HIVEP3: variants seen among roughly 807,000 people sequenced by gnomAD.
The protein encoded by HIVEP3 is transcription factor HIVEP3.
HIVEP3 carries 49 observed loss-of-function variants against 152.8 expected under a neutral mutation model. That is an observed-to-expected ratio of 0.32 (90% CI 0.26 to 0.41). The LOEUF (loss-of-function observed/expected upper bound fraction) is 0.41. Ranked by LOEUF, HIVEP3 falls within the 10% of genes least tolerant of loss-of-function variation. The pLI, the probability that HIVEP3 is intolerant of heterozygous loss-of-function variation, is 1.00. For missense variants in HIVEP3, 2,790 were observed against 3,103.3 expected (o/e 0.90, Z 2.40); for synonymous variants, 1,269 against 1,289.0 (o/e 0.98, Z 0.33).
At chr1:41,843,335 AT>A in intron 1 of HIVEP3, among the ~76,000 whole-genome samples, 1 of 152,330 alleles carries the variant, frequency 6.6e-6, no homozygotes, top group East Asian at 1.9e-4. Context: ...TAACAGAGGG[AT>A]TTTTGTGCAT....
chr1:41,540,163 C>G (rs1048916687), intron 5 of HIVEP3, among the ~76,000 whole-genome samples: 17 of 152,248 alleles, frequency 1.1e-4, no homozygotes, highest in African/African-American at 4.1e-4. Context: ...CTGACCAAGG[C>G]TCTCTCTAGT....
intron 7 of HIVEP3, among the ~76,000 whole-genome samples, chr1:41,514,303 G>A (rs1440288312): frequency 6.6e-6 from 1 of 152,144 alleles, no homozygotes; most frequent in African/African-American, 2.4e-5. Context: ...CTAAAATGAA[G>A]GCCTGGCACA....
rs190541132 is a variant in HIVEP3, at chr1:41,521,293, C to G, written c.5384-2805G>C. On this transcript the variant is annotated intron_variant, in intron 6 of 8. Coordinates refer to ENST00000372583, the MANE Select transcript of HIVEP3 (RefSeq NM_024503.5). The stretch of plus-strand genomic sequence containing the variant: ...CCCAGGGGCTCTGCCACGCACCATG[C>G]TGGGTGTGGAGGAAGAGATGCTAAG... Among the ~76,000 whole-genome samples, 685 of 152,292 alleles carry G rather than the reference C, an allele frequency of 4.5e-3. 2 individuals are homozygous for G. The highest frequency in any genetic ancestry group is 0.018 in the South Asian group (87 of 4,826).
At chr1:41,726,032 G>A (rs1646747301) in intron 1 of HIVEP3, among the ~76,000 whole-genome samples, 1 of 152,218 alleles carries the variant, frequency 6.6e-6, no homozygotes, top group South Asian at 2.1e-4. Flanking sequence ...TTGGCAAGGT[G>A]AGGCATGCTA....
rs74069947 is a variant in HIVEP3 at position 41,609,639 on chromosome 1, T to C, written c.-522+19110A>G. 5.1e-3 allele frequency among the ~76,000 whole-genome samples: 780 copies of C among 152,356 alleles called. 12 individuals are homozygous for C. The highest frequency in any genetic ancestry group is 0.017 in the African/African-American group (726 of 41,592). On this transcript the variant is annotated intron_variant, in intron 3 of 8. Coordinates refer to ENST00000372583, the MANE Select transcript of HIVEP3 (RefSeq NM_024503.5). Reference sequence around the variant, plus strand: ...TTTTAAGACCCTTCAGCCTCCCCACTAGTTTAGGCCCCACGGCATGGCTCT... The same window carrying C: ...TTTTAAGACCCTTCAGCCTCCCCACCAGTTTAGGCCCCACGGCATGGCTCT...
chr1:41,860,368 G>A (rs138115435), intron 1 of HIVEP3, among the ~76,000 whole-genome samples: 3 of 152,284 alleles, frequency 2.0e-5, no homozygotes, highest in Non-Finnish European at 4.4e-5. Flanking sequence ...CTCCTAAGGT[G>A]GGGCCAGTGG....
chr1:41,527,196 A>G (rs548285403), intron 5 of HIVEP3, among the ~76,000 whole-genome samples: 99 of 71,346 alleles, frequency 1.4e-3, no homozygotes, highest in African/African-American at 5.5e-3. Flanking sequence ...CTTCACTCCC[A>G]CTCCCACACA....
chr1:41,602,997 T>C (rs367691166), intron 3 of HIVEP3, among the ~76,000 whole-genome samples: 30 of 152,240 alleles, frequency 2.0e-4, no homozygotes, highest in African/African-American at 7.0e-4. Context: ...GTGTGTCATT[T>C]AATTTCCACA....
chr1:42,025,405 A>G (rs1409595299), intron 1 of HIVEP3, among the ~76,000 whole-genome samples: 1 of 152,192 alleles, frequency 6.6e-6, no homozygotes, highest in Non-Finnish European at 1.5e-5. Context: ...TACCCATTCC[A>G]TGAAGGTATT....
intron 1 of HIVEP3, among the ~76,000 whole-genome samples, chr1:41,894,636 T>C (rs79781468): frequency 1.3e-5 from 2 of 152,140 alleles, no homozygotes; most frequent in Non-Finnish European, 2.9e-5. Context: ...ATCCAGAAAT[T>C]CAAAATGAGC....
chr1:41,643,651 C>A (rs1645411794), intron 2 of HIVEP3, among the ~76,000 whole-genome samples: 1 of 152,190 alleles, frequency 6.6e-6, no homozygotes, highest in Admixed American at 6.5e-5. Context: ...GTCTGTGCTG[C>A]AGCTCCCAGA....
At chr1:42,005,370 TAC>T (rs1005281224) in intron 1 of HIVEP3, among the ~76,000 whole-genome samples, 7 of 152,114 alleles carry the variant, frequency 4.6e-5, no homozygotes, top group African/African-American at 1.7e-4. Context: ...CATGCACATA[TAC>T]ATATATATGA....
In HIVEP3 at chr1:42,015,134, C is replaced by A. The variant is rs185680966; in HGVS notation, n.119+20673G>T. On this transcript the variant is annotated intron_variant and non_coding_transcript_variant, in intron 1 of 3. Coordinates refer to the HIVEP3 transcript ENST00000489103. ...CTCATGGCCAACATCAAAATCCAACCAGCACCACCACCAAAGCAAAGAAAT... is the reference window on the plus strand; with the variant it reads ...CTCATGGCCAACATCAAAATCCAACAAGCACCACCACCAAAGCAAAGAAAT... 4.0e-3 allele frequency among the ~76,000 whole-genome samples: 615 copies of A among 152,304 alleles called. 1 individual carries two copies. The highest frequency in any genetic ancestry group is 6.9e-3 in the Non-Finnish European group (469 of 68,030).
chr1:42,007,808 A>G (rs566967827), intron 1 of HIVEP3, among the ~76,000 whole-genome samples: 6 of 110,022 alleles, frequency 5.5e-5, no homozygotes, highest in Non-Finnish European at 1.2e-4. Context: ...CAAAAGTAAT[A>G]CATTCATTTG....
chr1:41,966,986 T>C (rs1645202524), intron 1 of HIVEP3, among the ~76,000 whole-genome samples: 1 of 152,064 alleles, frequency 6.6e-6, no homozygotes, highest in African/African-American at 2.4e-5. Flanking sequence ...GGTTCAATTC[T>C]ATAAAAAGAG....
intron 1 of HIVEP3, among the ~76,000 whole-genome samples, chr1:41,718,395 T>C (rs894873146): frequency 6.6e-6 from 1 of 152,348 alleles, no homozygotes; most frequent in Non-Finnish European, 1.5e-5. Flanking sequence ...TAAGATGGCA[T>C]CTACCTCAAA....
At chr1:41,682,931 T>C (rs1570305713) in intron 2 of HIVEP3, among the ~76,000 whole-genome samples, 1 of 152,010 alleles carries the variant, frequency 6.6e-6, no homozygotes, top group Non-Finnish European at 1.5e-5. Context: ...TGCACAAAAG[T>C]GCCACCACGG....
intron 5 of HIVEP3, among the ~76,000 whole-genome samples, chr1:41,536,781 T>C (rs1450565245): frequency 6.6e-6 from 1 of 152,166 alleles, no homozygotes; most frequent in Non-Finnish European, 1.5e-5. Context: ...ATGCATTACC[T>C]CATTAAATCA....
chr1:41,635,533 CACGTATATGT>C (rs370504494), intron 2 of HIVEP3, among the ~76,000 whole-genome samples: 86,697 of 144,364 alleles, frequency 0.6, 35,372 homozygotes, highest in African/African-American at 0.8. Context: ...TACATATATG[CACGTATATGT>C]ATGTATATAT....
Sources: gnomAD v4.1 joint callset for allele counts (sites outside exome capture counted in the v4.1 genomes callset) on GRCh38, gnomAD v4.1.1 for gene constraint, MANE v1.5 for transcripts, NCBI Gene and HGNC (gene_info 2026-07-23, HGNC 2026-07-21) for gene names.